Variants in IMPA2 observed in about 807,000 individuals in gnomAD.
IMPA2 encodes IMP 2.
A neutral mutation model predicts 35.1 loss-of-function variants in IMPA2; 32 were observed. That is an observed-to-expected ratio of 0.91 (90% CI 0.69 to 1.23). The LOEUF is 1.23. Ranked by LOEUF, IMPA2 falls within the 50% of genes most tolerant of loss-of-function variation. The pLI, the probability that IMPA2 is intolerant of heterozygous loss-of-function variation, is 0.00. For missense variants in IMPA2, 334 were observed against 387.6 expected (o/e 0.86, Z 1.16); for synonymous variants, 135 against 160.6 (o/e 0.84, Z 1.20).
chr18:12,030,317 G>A (rs376815275), intron 7 of IMPA2, 26 bp from the exon 8 acceptor site: 41 of 1,569,508 alleles, frequency 2.6e-5, no homozygotes, highest in Non-Finnish European at 3.6e-5. Context: ...TAACCCGGAT[G>A]CCTGGCTCTC....
At chr18:12,001,152 C>G (rs942206107) in intron 2 of IMPA2, among the ~76,000 whole-genome samples, 9 of 151,864 alleles carry the variant, frequency 5.9e-5, no homozygotes, top group African/African-American at 2.2e-4. Context: ...TTGCTTGAAC[C>G]TGGGAGGCGG....
chr18:12,014,678 G>A (rs1248324434), intron 5 of IMPA2, among the ~76,000 whole-genome samples: 4 of 152,094 alleles, frequency 2.6e-5, no homozygotes, highest in East Asian at 1.9e-4. Flanking sequence ...TGAGCAGCCC[G>A]AGGCCAGGTG....
intron 2 of IMPA2, among the ~76,000 whole-genome samples, chr18:12,006,818 T>C (rs758468459): frequency 2.6e-5 from 4 of 152,054 alleles, no homozygotes; most frequent in Middle Eastern, 3.2e-3. Flanking sequence ...ACAGTGTGTA[T>C]GGCAGCTCCC....
chr18:11,992,324 TCTC>T (rs1360542866), intron 1 of IMPA2, among the ~76,000 whole-genome samples: 13 of 152,182 alleles, frequency 8.5e-5, no homozygotes, highest in Admixed American at 3.9e-4. Context: ...GAAAGACACA[TCTC>T]CTATTGAAAC....
chr18:12,025,434 T>C (rs924392286), intron 5 of IMPA2, among the ~76,000 whole-genome samples: 1 of 152,222 alleles, frequency 6.6e-6, no homozygotes, highest in African/African-American at 2.4e-5. Flanking sequence ...TTTAGATTTG[T>C]AGGAAACTGC....
chr18:11,985,935 G>A (rs940049363), intron 1 of IMPA2, among the ~76,000 whole-genome samples: 3 of 152,232 alleles, frequency 2.0e-5, no homozygotes, highest in African/African-American at 7.2e-5. Flanking sequence ...CACAAGGTTA[G>A]ATCTACAGTC....
chr18:12,023,239 C>G (rs1039730561), intron 5 of IMPA2, among the ~76,000 whole-genome samples: 38 of 152,192 alleles, frequency 2.5e-4, no homozygotes, highest in Admixed American at 2.2e-3. Context: ...CCCCTGCCTT[C>G]ACACAATCAC....
intron 5 of IMPA2, among the ~76,000 whole-genome samples, chr18:12,019,361 T>G (rs948686362): frequency 6.6e-6 from 1 of 150,750 alleles, no homozygotes; most frequent in South Asian, 2.1e-4. Flanking sequence ...TTCCAGTGAT[T>G]CTCCCACCTC....
At chr18:12,020,275 C>T (rs1907693183) in intron 5 of IMPA2, among the ~76,000 whole-genome samples, 1 of 151,802 alleles carries the variant, frequency 6.6e-6, no homozygotes, top group Non-Finnish European at 1.5e-5. Context: ...CTCACTGCAA[C>T]CTCCACCTCC....
intron 2 of IMPA2, 64 bp from the exon 3 acceptor site, chr18:12,009,819 C>A: frequency 8.0e-7 from 1 of 1,253,930 alleles, no homozygotes; most frequent in Non-Finnish European, 1.2e-6. Context: ...GGACTGGAAG[C>A]AATTTCAGGC....
At position 12,014,446 on chromosome 18, in the gene IMPA2, G is replaced by C. The variant is rs142137492; in HGVS notation, c.490+73G>C. On this transcript the variant is annotated intron_variant, in intron 5 of 7. Coordinates refer to ENST00000269159, the MANE Select transcript of IMPA2 (RefSeq NM_014214.3). ...GAAAGGAGAATGCCAAAGCCACCAT[G>C]ATGTGGGACGGTGGTGGAGGTCCCT... 5.4e-4 allele frequency: 487 copies of C among 900,164 alleles called. 2 individuals are homozygous for C. In the African/African-American group the frequency reaches 7.0e-3, roughly 13 times the overall value. 55.8% of individuals were successfully genotyped at this position (900,164 alleles called of 1,614,324 possible). A position where few individuals can be genotyped will look rare whatever the true frequency, so the allele number is the denominator to read the frequency against.
chr18:11,998,217 G>A (rs1907014238), intron 1 of IMPA2, among the ~76,000 whole-genome samples: 1 of 152,222 alleles, frequency 6.6e-6, no homozygotes, highest in East Asian at 1.9e-4. Context: ...GAAAGGCCTG[G>A]GCTGGACCAG....
chr18:12,015,220 A>C (rs56279901), intron 5 of IMPA2, among the ~76,000 whole-genome samples: 23,432 of 152,112 alleles, frequency 0.15, 3,542 homozygotes, highest in African/African-American at 0.39. Flanking sequence ...TGGCGTGGAC[A>C]TCATGCAGGG....
chr18:12,011,594 A>G (rs984707752), intron 3 of IMPA2, among the ~76,000 whole-genome samples: 1 of 152,222 alleles, frequency 6.6e-6, no homozygotes, highest in African/African-American at 2.4e-5. Flanking sequence ...CTCCCTATAA[A>G]GGAAGGATTA....
chr18:12,014,020 T>C (rs566578157), intron 4 of IMPA2, among the ~76,000 whole-genome samples: 2 of 152,348 alleles, frequency 1.3e-5, no homozygotes, highest in East Asian at 3.9e-4. Context: ...TTTTAAAGTT[T>C]TGTTTGTCTG....
At chr18:12,020,088 C>T (rs1464190975) in intron 5 of IMPA2, among the ~76,000 whole-genome samples, 2 of 151,762 alleles carry the variant, frequency 1.3e-5, no homozygotes, top group African/African-American at 4.8e-5. Context: ...GTTGGCCAGG[C>T]TTGTCTCAAA....
chr18:12,008,554 A>C (rs1907343257), intron 2 of IMPA2: 1 of 456,760 alleles, frequency 2.2e-6, no homozygotes, highest in African/African-American at 2.0e-5. Flanking sequence ...TGGAAGGTGT[A>C]AACAGCGGCC....
At chr18:12,004,840 A>G (rs893596831) in intron 2 of IMPA2, among the ~76,000 whole-genome samples, 2 of 152,070 alleles carry the variant, frequency 1.3e-5, no homozygotes, top group Non-Finnish European at 2.9e-5. Context: ...TGTGGATTCT[A>G]TGTAGATGTT....
chr18:11,992,356 C>A (rs574754618), intron 1 of IMPA2, among the ~76,000 whole-genome samples: 4 of 152,222 alleles, frequency 2.6e-5, no homozygotes, highest in Non-Finnish European at 4.4e-5. Flanking sequence ...GGCAAGGCTC[C>A]GGCGTGCTGC....
Sources: allele counts gnomAD v4.1 joint callset (sites outside exome capture counted in the v4.1 genomes callset), GRCh38; gene constraint gnomAD v4.1.1; transcripts MANE v1.5; gene names NCBI Gene and HGNC (gene_info 2026-07-23, HGNC 2026-07-21).